Variants in NAALADL2 observed in about 807,000 individuals in gnomAD.
NAALADL2 encodes N-acetylated alpha-linked acidic dipeptidase like 2.
In NAALADL2, 76 loss-of-function variants were observed where a neutral mutation model predicts 87.2. That is an observed-to-expected ratio of 0.87 (90% CI 0.72 to 1.05). The LOEUF (loss-of-function observed/expected upper bound fraction) is 1.05, where lower values mean the gene tolerates loss of function less well. NAALADL2 is among the 50% of genes least tolerant of loss of function. The pLI, the probability that NAALADL2 is intolerant of heterozygous loss-of-function variation, is 0.00. For missense variants in NAALADL2, 1,089 were observed against 945.8 expected (o/e 1.15, Z -1.99); for synonymous variants, 354 against 331.0 (o/e 1.07, Z -0.75).
intron 2 of NAALADL2, among the ~76,000 whole-genome samples, chr3:174,720,225 A>T (rs9873665): frequency 0.014 from 2,139 of 152,302 alleles, 62 homozygotes; most frequent in African/African-American, 0.05. Context: ...TATTAAAGTA[A>T]CTTTTAAAAT....
chr3:174,581,605 A>G (rs1215872391), intron 2 of NAALADL2, among the ~76,000 whole-genome samples: 1 of 152,196 alleles, frequency 6.6e-6, no homozygotes, highest in East Asian at 1.9e-4. Context: ...ATCTTGTCTT[A>G]GTAAAGAGGT....
At chr3:175,476,930 G>A (rs1397990362) in intron 9 of NAALADL2, among the ~76,000 whole-genome samples, 1 of 152,084 alleles carries the variant, frequency 6.6e-6, no homozygotes, top group Non-Finnish European at 1.5e-5. Flanking sequence ...ACTAAGTCTT[G>A]TAATAAATCT....
chr3:175,371,504 C>T (rs565132575), intron 5 of NAALADL2, among the ~76,000 whole-genome samples: 4 of 152,098 alleles, frequency 2.6e-5, no homozygotes, highest in African/African-American at 9.6e-5. Flanking sequence ...TATTTAGAAA[C>T]CATTCTGTGT....
chr3:174,487,215 A>G (rs988410680), intron 1 of NAALADL2, among the ~76,000 whole-genome samples: 1 of 152,050 alleles, frequency 6.6e-6, no homozygotes, highest in Non-Finnish European at 1.5e-5. Flanking sequence ...GGCTAGCTCT[A>G]TCATTCTTTT....
chr3:174,890,000 C>T (rs769601188), intron 1 of NAALADL2, among the ~76,000 whole-genome samples: 7 of 152,058 alleles, frequency 4.6e-5, no homozygotes, highest in Non-Finnish European at 7.4e-5. Context: ...TAGAGAAGTT[C>T]GCTGTAGTAC....
intron 9 of NAALADL2, among the ~76,000 whole-genome samples, chr3:175,509,479 C>T (rs1172598570): frequency 6.6e-6 from 1 of 152,196 alleles, no homozygotes; most frequent in Non-Finnish European, 1.5e-5. Context: ...GATGTCTTCT[C>T]CTTCCACTAA....
chr3:174,474,087 A>G (rs1024908900), intron 1 of NAALADL2, among the ~76,000 whole-genome samples: 49 of 152,142 alleles, frequency 3.2e-4, no homozygotes, highest in African/African-American at 1.2e-3. Flanking sequence ...CGTGGGGATT[A>G]TGGTATTACA....
chr3:174,912,590 C>G (rs1733847713), intron 1 of NAALADL2, among the ~76,000 whole-genome samples: 1 of 152,108 alleles, frequency 6.6e-6, no homozygotes, highest in African/African-American at 2.4e-5. Context: ...CATATTTACC[C>G]CTCCTTTTCT....
intron 1 of NAALADL2, among the ~76,000 whole-genome samples, chr3:175,024,501 T>A (rs955548391): frequency 2.6e-5 from 4 of 152,050 alleles, no homozygotes; most frequent in Non-Finnish European, 5.9e-5. Context: ...AAATACAAAA[T>A]CATTGTCCTT....
chr3:175,214,816 C>G (rs921799769), intron 2 of NAALADL2, among the ~76,000 whole-genome samples: 5 of 152,066 alleles, frequency 3.3e-5, no homozygotes, highest in Non-Finnish European at 7.4e-5. Context: ...AATTACAGCC[C>G]TAACCATTAG....
chr3:175,608,469 A>T (rs554261750), intron 10 of NAALADL2, among the ~76,000 whole-genome samples: 12 of 151,968 alleles, frequency 7.9e-5, no homozygotes, highest in African/African-American at 2.9e-4. Flanking sequence ...AATCCATTCT[A>T]TAAAGACACA....
At chr3:174,851,992 A>G (rs1361987351) in intron 3 of NAALADL2, among the ~76,000 whole-genome samples, 2 of 152,152 alleles carry the variant, frequency 1.3e-5, no homozygotes, top group Non-Finnish European at 2.9e-5. Flanking sequence ...GATCCTTTCA[A>G]TAGATACCCA....
At chr3:174,822,965 T>C (rs1483958937) in intron 3 of NAALADL2, among the ~76,000 whole-genome samples, 2 of 152,206 alleles carry the variant, frequency 1.3e-5, no homozygotes, top group Non-Finnish European at 2.9e-5. Context: ...AAAATAAAGA[T>C]TGAAGAACAC....
At chr3:175,350,083 G>A (rs1322243696) in intron 5 of NAALADL2, among the ~76,000 whole-genome samples, 2 of 147,332 alleles carry the variant, frequency 1.4e-5, no homozygotes, top group East Asian at 4.0e-4. Context: ...AAACTTAATA[G>A]TCCTTAATTA....
intron 11 of NAALADL2, among the ~76,000 whole-genome samples, chr3:175,692,684 A>G (rs1330908897): frequency 6.6e-6 from 1 of 152,228 alleles, no homozygotes; most frequent in Non-Finnish European, 1.5e-5. Context: ...ATGGCCACAA[A>G]GAGAAGTCAA....
At chr3:174,660,556 A>G (rs1725408806) in intron 2 of NAALADL2, among the ~76,000 whole-genome samples, 1 of 152,162 alleles carries the variant, frequency 6.6e-6, no homozygotes, top group African/African-American at 2.4e-5. Flanking sequence ...TTTTCATATA[A>G]TAACAATATG....
intron 10 of NAALADL2, among the ~76,000 whole-genome samples, chr3:175,583,464 T>A (rs2149580811): frequency 6.9e-6 from 1 of 145,004 alleles, no homozygotes; most frequent in East Asian, 2.1e-4. Flanking sequence ...AAACCTATAT[T>A]TACGACAATC....
intron 1 of NAALADL2, among the ~76,000 whole-genome samples, chr3:174,912,358 C>T (rs923781233): frequency 6.6e-6 from 1 of 151,292 alleles, no homozygotes; most frequent in Non-Finnish European, 1.5e-5. Flanking sequence ...AAAGTGTAAC[C>T]TTGCAGTTGC....
At chr3:174,926,194 A>G (rs904231923) in intron 1 of NAALADL2, among the ~76,000 whole-genome samples, 3 of 152,214 alleles carry the variant, frequency 2.0e-5, no homozygotes, top group African/African-American at 7.2e-5. Context: ...GCCTCCAGGA[A>G]ATATGGGACT....
Sources: gnomAD v4.1 joint callset for allele counts (sites outside exome capture counted in the v4.1 genomes callset) on GRCh38, gnomAD v4.1.1 for gene constraint, MANE v1.5 for transcripts, NCBI Gene and HGNC (gene_info 2026-07-23, HGNC 2026-07-21) for gene names.